GRAMD4: variants seen among roughly 807,000 people sequenced by gnomAD.
The protein encoded by GRAMD4 is GRAM domain containing 4.
In GRAMD4, 25 loss-of-function variants were observed where a neutral mutation model predicts 83.9. The ratio of observed to expected loss-of-function variants is 0.30; its 90% CI spans 0.22 to 0.42. GRAMD4 has a LOEUF of 0.42. GRAMD4 is among the 10% of genes least tolerant of loss of function. The probability of loss-of-function intolerance (pLI) is 1.00; values close to 1 mark genes in which losing one functional copy is unlikely to be tolerated. For synonymous variants in GRAMD4, 336 were observed against 320.9 expected (o/e 1.05, Z -0.50); for missense variants, 593 against 788.7 (o/e 0.75, Z 2.97).
At chr22:46,632,939 T>G (rs2081797493) in intron 2 of GRAMD4, among the ~76,000 whole-genome samples, 1 of 152,222 alleles carries the variant, frequency 6.6e-6, no homozygotes, top group Non-Finnish European at 1.5e-5. Flanking sequence ...CGCAGGCCTC[T>G]GGCCCCTTGC....
At chr22:46,667,372 C>T (rs1399031984) in intron 10 of GRAMD4, among the ~76,000 whole-genome samples, 3 of 152,254 alleles carry the variant, frequency 2.0e-5, no homozygotes, top group Non-Finnish European at 2.9e-5. Flanking sequence ...AAAAAACCCA[C>T]CTCTGGCCCA....
At chr22:46,601,927 A>G (rs2081315628) in intron 1 of GRAMD4, among the ~76,000 whole-genome samples, 1 of 152,164 alleles carries the variant, frequency 6.6e-6, no homozygotes, top group Non-Finnish European at 1.5e-5. Context: ...AGAGGTCTCC[A>G]TTGGTCCTGC....
chr22:46,656,329 C>T (rs2082244276), intron 3 of GRAMD4, among the ~76,000 whole-genome samples: 1 of 152,242 alleles, frequency 6.6e-6, no homozygotes, highest in Non-Finnish European at 1.5e-5. Flanking sequence ...GTGCCTGTCT[C>T]TTCCCTTTTG....
At chr22:46,643,158 T>C in intron 3 of GRAMD4, among the ~76,000 whole-genome samples, 2 of 150,852 alleles carry the variant, frequency 1.3e-5, no homozygotes, top group Non-Finnish European at 3.0e-5. Flanking sequence ...CATCCATCCA[T>C]CCATCCATCC....
chr22:46,611,847 AT>A (rs1296897449), intron 1 of GRAMD4, among the ~76,000 whole-genome samples: 2 of 145,716 alleles, frequency 1.4e-5, no homozygotes, highest in Admixed American at 1.4e-4. Context: ...AAAAAAAAAA[AT>A]TAGCCGGGCA....
intron 1 of GRAMD4, among the ~76,000 whole-genome samples, chr22:46,580,796 C>A (rs578121484): frequency 6.6e-6 from 1 of 151,946 alleles, no homozygotes; most frequent in South Asian, 2.1e-4. Flanking sequence ...GAAATCCCCA[C>A]GTCTACTAAA....
At chr22:46,663,460 T>G (rs1362313320) in intron 6 of GRAMD4, among the ~76,000 whole-genome samples, 1 of 152,206 alleles carries the variant, frequency 6.6e-6, no homozygotes, top group East Asian at 1.9e-4. Flanking sequence ...GGGGCCTTCC[T>G]TGGCTCTTGA....
intron 1 of GRAMD4, among the ~76,000 whole-genome samples, chr22:46,605,782 GCATGGGCCTATGGCCGGTGCTGAGCATC>G (rs2081359552): frequency 6.7e-6 from 1 of 149,440 alleles, no homozygotes; most frequent in African/African-American, 2.5e-5. Context: ...GAGCATCTCT[GCATGGGCCTATGGCCGGTGCTGAGCATC>G]TCTGCATGGG....
chr22:46,672,789 G>T lies in GRAMD4; in HGVS notation c.1085-54G>T. 6.9e-7 allele frequency: 1 copy of T among 1,454,104 alleles called. No homozygotes were observed. The highest frequency in any genetic ancestry group is 1.2e-5 in the South Asian group (1 of 82,596). 90.1% of individuals were successfully genotyped at this position (1,454,104 alleles called of 1,614,324 possible). A position where few individuals can be genotyped will look rare whatever the true frequency, so the allele number is the denominator to read the frequency against. ...GGTGCCGGAACCATCACCCTGAGTA[G>T]ACTGGCATAGCTGCAGAGCTCTAGA... On this transcript the variant is annotated intron_variant, in intron 13 of 18. Transcript: ENST00000406902. The surrounding 1 kb of genome is among the most constrained non-coding windows in gnomAD (Gnocchi z 4.7).
intron 1 of GRAMD4, among the ~76,000 whole-genome samples, chr22:46,605,741 AGCATCTCTGCATGGGCCTATGGCCG>A (rs2081358463): frequency 1.3e-5 from 2 of 151,054 alleles, no homozygotes; most frequent in Non-Finnish European, 2.9e-5. Flanking sequence ...GCCGGTGCTG[AGCATCTCTGCATGGGCCTATGGCCG>A]GTGCTGAGCA....
upstream of GRAMD4, among the ~76,000 whole-genome samples, chr22:46,618,003 A>C (rs1280287055): frequency 1.3e-5 from 2 of 152,210 alleles, no homozygotes; most frequent in African/African-American, 4.8e-5. This position sits in a 1 kb window ranked among gnomAD's most constrained non-coding sequence, Gnocchi z 5.8. Flanking sequence ...GGGTGTCCCT[A>C]GTCCATGGGT....
rs1440272795 is a variant in GRAMD4, at chr22:46,621,532, G to C, written c.-50+967G>C. On this transcript the variant is annotated intron_variant, in intron 1 of 18. Coordinates refer to ENST00000406902, the MANE Select transcript of GRAMD4 (RefSeq NM_015124.5). This position sits in a 1 kb window ranked among gnomAD's most constrained non-coding sequence, Gnocchi z 5.8. ...GTGTCGCGGAGGGCACCCCTACCCCGGTGCAGGCGCAGGCTGGAGGCGTAG... is the reference window on the plus strand; with the variant it reads ...GTGTCGCGGAGGGCACCCCTACCCCCGTGCAGGCGCAGGCTGGAGGCGTAG... Among the ~76,000 whole-genome samples the C allele has an allele frequency of 2.2e-5, 3 of 133,660 alleles. No homozygotes were observed. Among genetic ancestry groups the C allele is most frequent in the African/African-American group, 8.5e-5 (3 of 35,388 alleles). The allele number at this position is 133,660 out of a possible 152,430, so 87.7% of individuals were successfully genotyped here.
At chr22:46,610,318 C>T (rs538255321) in intron 1 of GRAMD4, among the ~76,000 whole-genome samples, 1 of 152,214 alleles carries the variant, frequency 6.6e-6, no homozygotes, top group Non-Finnish European at 1.5e-5. Flanking sequence ...CTTCTGTGAG[C>T]GTTCTTATTC....
At chr22:46,648,687 G>A (rs2082108564) in intron 3 of GRAMD4, among the ~76,000 whole-genome samples, 1 of 150,456 alleles carries the variant, frequency 6.6e-6, no homozygotes, top group Admixed American at 6.6e-5. Context: ...GTAAATGATT[G>A]ATGGATGGAT....
chr22:46,592,612 G>A (rs1038856439), intron 1 of GRAMD4, among the ~76,000 whole-genome samples: 1 of 152,184 alleles, frequency 6.6e-6, no homozygotes, highest in African/African-American at 2.4e-5. Flanking sequence ...CACCAGGGAG[G>A]AACCACATCC....
At chr22:46,627,324 G>A (rs1159168494) in intron 2 of GRAMD4, among the ~76,000 whole-genome samples, 1 of 152,252 alleles carries the variant, frequency 6.6e-6, no homozygotes, top group East Asian at 1.9e-4. Flanking sequence ...CTGGTGCCTG[G>A]CTTGTCTTCT....
intron 4 of GRAMD4, among the ~76,000 whole-genome samples, chr22:46,661,178 C>T (rs73888604): frequency 0.026 from 3,955 of 152,162 alleles, 186 homozygotes; most frequent in African/African-American, 0.091. Flanking sequence ...AAAAACAAAA[C>T]GTGTGCCTGT....
At chr22:46,590,927 G>C (rs144774326) in intron 1 of GRAMD4, among the ~76,000 whole-genome samples, 1 of 152,334 alleles carries the variant, frequency 6.6e-6, no homozygotes, top group African/African-American at 2.4e-5. Flanking sequence ...CAGCATGGTG[G>C]TGGGTGCCTG....
intron 3 of GRAMD4, among the ~76,000 whole-genome samples, chr22:46,646,982 T>C (rs2082081393): frequency 6.6e-6 from 1 of 152,088 alleles, no homozygotes; most frequent in Non-Finnish European, 1.5e-5. Context: ...TCCTTCACGA[T>C]CACAACAAGA....
Sources: allele counts gnomAD v4.1 joint callset (sites outside exome capture counted in the v4.1 genomes callset), GRCh38; gene constraint gnomAD v4.1.1; non-coding constraint Gnocchi (gnomAD v3.1); transcripts MANE v1.5; gene names NCBI Gene and HGNC (gene_info 2026-07-23, HGNC 2026-07-21).